Variants in KAT6A observed in about 807,000 individuals in gnomAD.
KAT6A encodes the protein histone acetyltransferase KAT6A.
KAT6A carries 9 observed loss-of-function variants against 198.4 expected under a neutral mutation model. That is an observed-to-expected ratio of 0.05 (90% confidence interval 0.03 to 0.08). The LOEUF is 0.08. KAT6A is among the 10% of genes least tolerant of loss of function. KAT6A has a pLI of 1.00. For missense variants in KAT6A, 2,077 were observed against 2,509.9 expected (o/e 0.83, Z 3.69); for synonymous variants, 890 against 883.0 (o/e 1.01, Z -0.14).
intron 2 of KAT6A, among the ~76,000 whole-genome samples, chr8:42,015,834 A>C (rs540671529): frequency 1.3e-5 from 2 of 152,350 alleles, no homozygotes; most frequent in African/African-American, 4.8e-5. Flanking sequence ...CAGCCAAAAA[A>C]TCTGACGTTC....
At chr8:42,045,292 GGCTCATGCCT>G (rs1587865781) in intron 2 of KAT6A, among the ~76,000 whole-genome samples, 1 of 152,162 alleles carries the variant, frequency 6.6e-6, no homozygotes, top group East Asian at 1.9e-4. Flanking sequence ...TAGGCAGGGT[GGCTCATGCCT>G]GTAATGCCAG....
At chr8:42,046,363 C>G (rs901515254) in intron 2 of KAT6A, among the ~76,000 whole-genome samples, 2 of 152,010 alleles carry the variant, frequency 1.3e-5, no homozygotes, top group African/African-American at 4.8e-5. Context: ...AGGTGAAACC[C>G]CGTCTCTACT....
intron 2 of KAT6A, among the ~76,000 whole-genome samples, chr8:42,000,360 G>A (rs563298825): frequency 6.6e-6 from 1 of 152,202 alleles, no homozygotes; most frequent in Admixed American, 6.5e-5. Context: ...AGACCTGCCT[G>A]GCCAACCTGG....
At chr8:41,940,179 A>G (rs1428015422) in intron 15 of KAT6A, among the ~76,000 whole-genome samples, 1 of 152,258 alleles carries the variant, frequency 6.6e-6, no homozygotes, top group African/African-American at 2.4e-5. Flanking sequence ...AATCCACTCC[A>G]TAGCCTGGGA....
intron 8 of KAT6A, among the ~76,000 whole-genome samples, chr8:41,965,374 C>T (rs1161980431): frequency 6.6e-6 from 1 of 152,174 alleles, no homozygotes; most frequent in South Asian, 2.1e-4. Context: ...ACAAAACAGG[C>T]TGTGGATGGG....
intron 2 of KAT6A, among the ~76,000 whole-genome samples, chr8:41,991,800 A>G (rs1824960176): frequency 6.6e-6 from 1 of 152,154 alleles, no homozygotes; most frequent in Admixed American, 6.6e-5. Context: ...GGGGGCAGAA[A>G]AGGGTAGAAA....
intron 2 of KAT6A, among the ~76,000 whole-genome samples, chr8:41,989,313 A>G (rs1824791885): frequency 6.6e-6 from 1 of 152,168 alleles, no homozygotes; most frequent in Non-Finnish European, 1.5e-5. Flanking sequence ...GTTTGAGACC[A>G]GCATGGCCAA....
At chr8:41,986,359 C>T (rs1047043185) in intron 3 of KAT6A, among the ~76,000 whole-genome samples, 1 of 152,210 alleles carries the variant, frequency 6.6e-6, no homozygotes, top group African/African-American at 2.4e-5. Context: ...GCAGTATCAA[C>T]ACTATTTCCC....
chr8:41,994,636 T>C (rs982077582), intron 2 of KAT6A, among the ~76,000 whole-genome samples: 2 of 152,194 alleles, frequency 1.3e-5, no homozygotes, highest in Non-Finnish European at 2.9e-5. Context: ...GCTTTGTTTT[T>C]TCCCCTTAAC....
intron 2 of KAT6A, among the ~76,000 whole-genome samples, chr8:42,012,007 A>G (rs1826044057): frequency 6.6e-6 from 1 of 152,212 alleles, no homozygotes; most frequent in African/African-American, 2.4e-5. Context: ...ACACATGAAA[A>G]GATGCTTCAC....
chr8:41,933,315 A>G lies in KAT6A; in HGVS notation c.4905T>C (p.Pro1635=). 6.3e-7 allele frequency: 1 copy of G among 1,575,326 alleles called. No individual in the cohort carries two copies. The highest frequency in any genetic ancestry group is 8.6e-7 in the Non-Finnish European group (1 of 1,164,368). The change falls in exon 17 of 17, where the codon CCT becomes CCC. Residue 1635 remains proline (P), a synonymous_variant. Transcript: ENST00000265713. This position sits in a 1 kb window ranked among gnomAD's most constrained non-coding sequence, Gnocchi z 6.2. The stretch of plus-strand genomic sequence containing the variant: ...GAGGCCTCTCCACCACGCAGCTCTG[A>G]GGTGACTTGATGCTGCAGTTGGCAG... ...QPAANCSIKS[P]QSCVVERPPS...
chr8:41,975,068 A>G (rs1823982321), intron 7 of KAT6A, among the ~76,000 whole-genome samples: 2 of 152,236 alleles, frequency 1.3e-5, no homozygotes, highest in African/African-American at 4.8e-5. Context: ...AAACTTCATT[A>G]AAGATTACAT....
At chr8:41,978,462 T>C (rs1213536958) in intron 6 of KAT6A, among the ~76,000 whole-genome samples, 180 bp downstream of exon 6, 1 of 152,188 alleles carries the variant, frequency 6.6e-6, no homozygotes, top group Non-Finnish European at 1.5e-5. Flanking sequence ...TCAATGCATA[T>C]AAAGCACTTA....
intron 2 of KAT6A, among the ~76,000 whole-genome samples, chr8:42,014,557 T>C (rs1826176672): frequency 6.6e-6 from 1 of 152,104 alleles, no homozygotes; most frequent in Non-Finnish European, 1.5e-5. Flanking sequence ...CATAGATAAT[T>C]AAGTCAACAA....
chr8:41,970,412 A>C (rs1019868803), intron 8 of KAT6A, among the ~76,000 whole-genome samples: 1 of 152,176 alleles, frequency 6.6e-6, no homozygotes, highest in Non-Finnish European at 1.5e-5. Context: ...CCCGAGCCTC[A>C]GCAGGGCTCA....
intron 8 of KAT6A, among the ~76,000 whole-genome samples, chr8:41,961,751 CAAAAA>C (rs913470847): frequency 2.1e-5 from 1 of 46,518 alleles, no homozygotes; most frequent in Non-Finnish European, 4.4e-5. Flanking sequence ...GACTCCATCT[CAAAAA>C]AAAAAAAAAA....
Position 41,934,216 on chromosome 8 carries a change from T to A in KAT6A, c.4004A>T (p.Gln1335Leu), listed in dbSNP as rs1414219848. The A allele has an allele frequency of 6.2e-7, 1 of 1,614,204 alleles. No individual in the cohort carries two copies. Among genetic ancestry groups the A allele is most frequent in the Admixed American group, 1.7e-5 (1 of 60,016 alleles). ...ESTKKKELEEQPTREDVKEEP... is the reference protein window; with the variant it reads ...ESTKKKELEELPTREDVKEEP... ...CTCCTTGACATCTTCCCTCGTGGGC[T>A]GTTCCTCTAGCTCCTTTTTCTTTGT... is the stretch of plus-strand genomic sequence containing the variant. Residue 1335 changes from glutamine to leucine, a missense_variant, in exon 17 of 17, where the codon CAG (glutamine) becomes CTG (leucine). By Grantham distance (113) the Gln-to-Leu change is moderately radical. Around this residue, in one of 13 missense-constraint regions of KAT6A, gnomAD observed 375 missense variants for 383.0 expected, o/e 0.98. Coordinates refer to ENST00000265713, the MANE Select transcript of KAT6A (RefSeq NM_006766.5).
intron 14 of KAT6A, 193 bp downstream of exon 14, chr8:41,942,600 G>T: frequency 1.6e-6 from 1 of 638,696 alleles, no homozygotes; most frequent in Non-Finnish European, 2.6e-6. Context: ...CCTCCTAATT[G>T]TCCAAGGCTT....
intron 8 of KAT6A, among the ~76,000 whole-genome samples, chr8:41,959,683 C>A (rs192343820): frequency 1.3e-5 from 2 of 152,086 alleles, no homozygotes; most frequent in Admixed American, 6.5e-5. Flanking sequence ...AATGGTTGGG[C>A]GCTGGTGGCT....
Sources: gnomAD v4.1 joint callset for allele counts (sites outside exome capture counted in the v4.1 genomes callset) on GRCh38, gnomAD v4.1.1 for gene constraint, gnomAD v4.1.1 regional missense constraint, Gnocchi (gnomAD v3.1) non-coding constraint, MANE v1.5 for transcripts, NCBI Gene and HGNC (gene_info 2026-07-23, HGNC 2026-07-21) for gene names.